Variants in BST1 observed in about 807,000 individuals in gnomAD.
BST1 encodes the protein ADP-ribosyl cyclase/cyclic ADP-ribose hydrolase 2.
Under a neutral mutation model 40.6 loss-of-function variants are expected in BST1, and 49 were observed. The ratio of observed to expected loss-of-function variants is 1.21; its 90% CI spans 0.96 to 1.53. BST1 has a LOEUF of 1.53. Among genes scored for constraint, BST1 ranks in the 40% most tolerant of loss-of-function variants. The probability of loss-of-function intolerance (pLI) is 0.00; values close to 1 mark genes in which losing one functional copy is unlikely to be tolerated. For missense variants in BST1, 423 were observed against 395.9 expected (o/e 1.07, Z -0.58); for synonymous variants, 157 against 159.3 (o/e 0.99, Z 0.11).
downstream of BST1, among the ~76,000 whole-genome samples, chr4:15,738,579 A>C (rs1252652329): frequency 6.6e-6 from 1 of 152,214 alleles, no homozygotes; most frequent in East Asian, 1.9e-4. Flanking sequence ...TTTGATAAAA[A>C]AATAAAAATA....
chr4:15,713,511 G>A (rs1193628196), intron 4 of BST1, among the ~76,000 whole-genome samples: 2 of 151,930 alleles, frequency 1.3e-5, no homozygotes, highest in Admixed American at 1.3e-4. Context: ...TGACAATTCT[G>A]TGAGGCAGAG....
At chr4:15,751,035 A>G in the BST1 span, among the ~76,000 whole-genome samples, 25 of 152,322 alleles carry the variant, frequency 1.6e-4, no homozygotes, top group Middle Eastern at 6.8e-3. Context: ...TGGAGAAGAC[A>G]AACAGTAACA....
Position 15,714,996 on chromosome 4 carries a change from T to C in BST1, c.535-289T>C, listed in dbSNP as rs574755259. On this transcript the variant is annotated intron_variant, in intron 4 of 8. Coordinates refer to ENST00000265016, the MANE Select transcript of BST1 (RefSeq NM_004334.3). ...CCACTGCAGTTTCGAGGTTCTTTGCTAAGGGAGCATAAGCTAGTTTATTCC... is the reference window on the plus strand; with the variant it reads ...CCACTGCAGTTTCGAGGTTCTTTGCCAAGGGAGCATAAGCTAGTTTATTCC... Among the ~76,000 whole-genome samples the C allele has an allele frequency of 8.5e-5, 13 of 152,362 alleles. No individual in the cohort carries two copies. In the South Asian group the frequency reaches 1.7e-3, roughly 19 times the overall value.
the BST1 span, among the ~76,000 whole-genome samples, chr4:15,745,814 G>C: frequency 6.6e-6 from 1 of 152,130 alleles, no homozygotes; most frequent in African/African-American, 2.4e-5. Context: ...TCTTTGTAGG[G>C]TTTATCTCCC....
In BST1 at chr4:15,731,918, T is replaced by C. The variant is rs1721392715; in HGVS notation, c.*73T>C. ...TTGCAGTCATCATTCGTGTTCTGTG[T>C]ATACCAAATGATTCTGTTATCTAAA... is the stretch of plus-strand genomic sequence containing the variant. On this transcript the variant is annotated 3_prime_UTR_variant, in exon 9 of 9. Coordinates refer to ENST00000265016, the MANE Select transcript of BST1 (RefSeq NM_004334.3). The C allele has an allele frequency of 6.6e-7, 1 of 1,505,120 alleles. No homozygotes were observed. Among genetic ancestry groups the C allele is most frequent in the Non-Finnish European group, 8.9e-7 (1 of 1,124,314 alleles). 93.2% of individuals were successfully genotyped at this position (1,505,120 alleles called of 1,614,324 possible).
At chr4:15,771,380 C>G in the BST1 span, among the ~76,000 whole-genome samples, 1 of 152,200 alleles carries the variant, frequency 6.6e-6, no homozygotes, top group Non-Finnish European at 1.5e-5. Flanking sequence ...TTCTTCCCCC[C>G]AAATATACCA....
Position 15,704,962 on chromosome 4 carries a change from C to T in BST1, c.189-553C>T, listed in dbSNP as rs756414380. The T allele has an allele frequency of 5.2e-6, 4 of 775,350 alleles. 1 individual carries two copies. The South Asian group carries it at 5.4e-5, about 11-fold the overall frequency. The allele number at this position is 775,350 out of a possible 1,614,324, so 48.0% of individuals were successfully genotyped here. A position where few individuals can be genotyped will look rare whatever the true frequency, so the allele number is the denominator to read the frequency against. ...GAGAACCACCTGTGTTACACACCAC[C>T]CAGTATGAGAAACAAAGTTACAAAT... On this transcript the variant is annotated intron_variant, in intron 1 of 8. Transcript: ENST00000265016.
At chr4:15,703,889 G>GGT (rs1452555521) in intron 1 of BST1, among the ~76,000 whole-genome samples, 5 of 133,690 alleles carry the variant, frequency 3.7e-5, no homozygotes, top group Admixed American at 3.0e-4. Context: ...AGGTGAAGGG[G>GGT]GTGTGTGTGC....
chr4:15,744,228 A>C, the BST1 span, among the ~76,000 whole-genome samples: 3 of 152,250 alleles, frequency 2.0e-5, no homozygotes, highest in Non-Finnish European at 2.9e-5. Flanking sequence ...GTATTAGTCC[A>C]TTGGCACACT....
downstream of BST1, among the ~76,000 whole-genome samples, chr4:15,733,221 T>C (rs532006062): frequency 6.6e-6 from 1 of 152,214 alleles, no homozygotes; most frequent in Non-Finnish European, 1.5e-5. Context: ...TTTTACAGAG[T>C]GCTGATTGAT....
chr4:15,771,118 T>C, the BST1 span, among the ~76,000 whole-genome samples: 1 of 152,218 alleles, frequency 6.6e-6, no homozygotes, highest in African/African-American at 2.4e-5. Flanking sequence ...ATGCCATTTT[T>C]CAAGCCTCAG....
At chr4:15,731,515 A>C in intron 8 of BST1, 1 of 1,057,738 alleles carries the variant, frequency 9.5e-7, no homozygotes, top group South Asian at 1.3e-5. Context: ...ATAGTTCTTG[A>C]AGCTGATCTG....
the BST1 span, among the ~76,000 whole-genome samples, chr4:15,762,186 C>A: frequency 1.5e-5 from 1 of 65,482 alleles, no homozygotes. Context: ...GAGACTCCAT[C>A]TCAAAAAAAA....
At chr4:15,762,225 A>C in the BST1 span, among the ~76,000 whole-genome samples, 3 of 150,426 alleles carry the variant, frequency 2.0e-5, no homozygotes, top group Non-Finnish European at 4.4e-5. Context: ...AAATAGAAAG[A>C]ACTTAATTCA....
intron 5 of BST1, 118 bp from the exon 6 acceptor site, chr4:15,715,589 T>C: frequency 4.6e-6 from 4 of 877,640 alleles, no homozygotes; most frequent in Non-Finnish European, 6.7e-6. Flanking sequence ...AAATAAAAGC[T>C]AAAGAAGAAA....
intron 4 of BST1, 36 bp downstream of exon 4, chr4:15,711,925 T>C (rs760113444): frequency 6.4e-7 from 1 of 1,565,484 alleles, no homozygotes; most frequent in Admixed American, 1.7e-5. Context: ...GTTGAGCATG[T>C]GTGGGACCCA....
chr4:15,703,650 GCT>G (rs1719683339), intron 1 of BST1, among the ~76,000 whole-genome samples: 1 of 138,150 alleles, frequency 7.2e-6, no homozygotes, highest in Non-Finnish European at 1.6e-5. Flanking sequence ...GTGTGCGCGC[GCT>G]CTAGAGGTGG....
the BST1 span, among the ~76,000 whole-genome samples, chr4:15,749,979 C>T: frequency 2.0e-5 from 3 of 148,308 alleles, no homozygotes; most frequent in Non-Finnish European, 4.4e-5. Flanking sequence ...CCATCTACCT[C>T]TCATCCCCTC....
the BST1 span, among the ~76,000 whole-genome samples, chr4:15,772,833 G>C: frequency 6.6e-6 from 1 of 152,184 alleles, no homozygotes; most frequent in African/African-American, 2.4e-5. Context: ...AGCTTGGGCT[G>C]GTTGGGGACA....
Sources: gnomAD v4.1 joint callset for allele counts (sites outside exome capture counted in the v4.1 genomes callset) on GRCh38, gnomAD v4.1.1 for gene constraint, MANE v1.5 for transcripts, NCBI Gene and HGNC (gene_info 2026-07-23, HGNC 2026-07-21) for gene names.